The following CASKIN1 variants were observed in gnomAD, a reference collection of about 807,000 sequenced individuals.
CASKIN1 encodes caskin-1.
CASKIN1 carries 42 observed loss-of-function variants against 117.5 expected under a neutral mutation model. The ratio of observed to expected loss-of-function variants is 0.36; its 90% CI spans 0.28 to 0.46. The LOEUF (loss-of-function observed/expected upper bound fraction) is 0.46. Among genes scored for constraint, CASKIN1 ranks in the 20% least tolerant of loss-of-function variants. The probability of loss-of-function intolerance (pLI) is 1.00; values close to 1 mark genes in which losing one functional copy is unlikely to be tolerated. For missense variants in CASKIN1, 2,083 were observed against 2,077.3 expected (o/e 1.00, Z -0.05); for synonymous variants, 1,148 against 961.7 (o/e 1.19, Z -3.59).
intron 3 of CASKIN1, 43 bp downstream of exon 3, chr16:2,190,030 G>GCC (rs1197458205): frequency 7.0e-7 from 1 of 1,430,630 alleles, no homozygotes; most frequent in African/African-American, 1.4e-5. Context: ...CCCCCTCGCT[G>GCC]CCCCCGCCCC....
chr16:2,185,138 G>C lies in CASKIN1; in HGVS notation c.1212C>G (p.Ala404=). Residue 404 remains alanine, a synonymous_variant, in exon 12 of 20, where the codon GCC becomes GCG. Transcript: ENST00000343516. The part of the protein sequence containing the change: ...MAGGRGSGGH[A]LHAGSEGVKL... ...TGACGCCTTCAGAGCCCGCGTGTAG[G>C]GCGTGACCCCCGCTGCCCCGGCCGC... 6.2e-7 allele frequency: 1 copy of C among 1,609,150 alleles called. No individual in the cohort carries two copies. The highest frequency in any genetic ancestry group is 8.5e-7 in the Non-Finnish European group (1 of 1,179,728).
rs1266182974 is a variant in CASKIN1, at chr16:2,177,630, A to G, written c.*920T>C. On this transcript the variant is annotated 3_prime_UTR_variant, in exon 20 of 20. Coordinates refer to ENST00000343516, the MANE Select transcript of CASKIN1 (RefSeq NM_020764.4). ...GATGGGCTGCCTGCACAGCCCCTGGAGAGGGGGCCAGGCACACCCTCAGAG... is the reference window on the plus strand; with the variant it reads ...GATGGGCTGCCTGCACAGCCCCTGGGGAGGGGGCCAGGCACACCCTCAGAG... The G allele has an allele frequency of 1.3e-5, 3 of 236,780 alleles. No individual in the cohort carries two copies. The highest frequency in any genetic ancestry group is 6.1e-5 in the East Asian group (1 of 16,458). 14.7% of individuals were successfully genotyped at this position (236,780 alleles called of 1,614,324 possible).
At position 2,181,556 on chromosome 16, in the gene CASKIN1, C is replaced by G. The variant is rs753397435; in HGVS notation, c.1812G>C (p.Glu604Asp). 1 of 1,586,292 alleles carries G rather than the reference C, an allele frequency of 6.3e-7. No homozygotes were observed. The highest frequency in any genetic ancestry group is 1.8e-5 in the Admixed American group (1 of 55,848). ...ACTTGGCGTATTCAGCCTTCTGCAG[C>G]TCTGCCAGCTTCCTCACAGCGAGCA... is the stretch of plus-strand genomic sequence containing the variant. ...KLMLAVRKLAELQKAEYAKYE... is the reference protein window; with the variant it reads ...KLMLAVRKLADLQKAEYAKYE... Residue 604 changes from glutamate (E) to aspartate (D), a missense_variant, in exon 18 of 20, where the codon GAG (glutamate) becomes GAC (aspartate). Around this residue, in one of 3 missense-constraint regions of CASKIN1, gnomAD observed 1,818 missense variants for 1,688.9 expected, o/e 1.08. Transcript: ENST00000343516.
In CASKIN1 at chr16:2,187,225, T is replaced by C; in HGVS notation, c.776A>G (p.Asp259Gly). The C allele has an allele frequency of 1.2e-6, 2 of 1,614,046 alleles. No homozygotes were observed. The highest frequency in any genetic ancestry group is 1.7e-6 in the Non-Finnish European group (2 of 1,179,986). ...VRNTYSQTAL[D>G]IVHQFTTSQA... ...GGACGTGGTGAACTGGTGCACGATG[T>C]CCAGGGCTGTCTGGCTGTAGGTGTT... The change falls in exon 8 of 20, where the codon GAC becomes GGC. Residue 259 changes from aspartate (D) to glycine (G), a missense_variant. Coordinates refer to ENST00000343516, the MANE Select transcript of CASKIN1 (RefSeq NM_020764.4).
In CASKIN1 at chr16:2,179,825, C is replaced by G; in HGVS notation, c.3543G>C (p.Pro1181=). Residue 1181 remains proline, a synonymous_variant, in exon 18 of 20, where the codon CCG becomes CCC. Transcript: ENST00000343516. The surrounding 1 kb of genome is among the most constrained non-coding windows in gnomAD (Gnocchi z 5.8). ...HNGTGTVRRR[P]ASEQAGPPEL... is the part of the protein sequence containing the mutation. ...CCGGAGGCCCAGCCTGCTCCGAGGCCGGTCGGCGGCGCACGGTGCCAGTGC... is the reference window on the plus strand; with the variant it reads ...CCGGAGGCCCAGCCTGCTCCGAGGCGGGTCGGCGGCGCACGGTGCCAGTGC... 6.3e-7 allele frequency: 1 copy of G among 1,594,382 alleles called. No individual in the cohort carries two copies. Among genetic ancestry groups the G allele is most frequent in the South Asian group, 1.1e-5 (1 of 88,884 alleles).
rs765869428 is a variant in CASKIN1, at chr16:2,177,478, G to C, written c.*1072C>G. The C allele has an allele frequency of 8.6e-6, 2 of 233,188 alleles. No individual in the cohort carries two copies. Among genetic ancestry groups the C allele is most frequent in the African/African-American group, 4.4e-5 (2 of 45,222 alleles). The allele number at this position is 233,188 out of a possible 1,614,324, so 14.4% of individuals were successfully genotyped here. A position where few individuals can be genotyped will look rare whatever the true frequency, so the allele number is the denominator to read the frequency against. ...CCCAACACTGTGGATCAGCAAACAC[G>C]ATAGAGGAGACCAGTCAGTACTTCT... On this transcript the variant is annotated 3_prime_UTR_variant, in exon 20 of 20. Transcript: ENST00000343516.
chr16:2,179,020 CGGGCGGGGCGGG>C lies in CASKIN1; in HGVS notation c.4069_4080del (p.Pro1357_Pro1360del). Reference sequence around the variant, plus strand: ...GCGCTGTCCCCTGGCGAGGCGCCTTCGGGCGGGGCGGGGGGCGCGGCGGCGGCGGCGGCGGCG... The same window carrying C: ...GCGCTGTCCCCTGGCGAGGCGCCTTCGGGCGCGGCGGCGGCGGCGGCGGCG... On this transcript the variant is annotated inframe_deletion, in exon 19 of 20. Transcript: ENST00000343516. This position sits in a 1 kb window ranked among gnomAD's most constrained non-coding sequence, Gnocchi z 5.8. 1 of 1,166,728 alleles carries C rather than the reference CGGGCGGGGCGGG, an allele frequency of 8.6e-7. No individual in the cohort carries two copies. Among genetic ancestry groups the C allele is most frequent in the Non-Finnish European group, 1.1e-6 (1 of 946,088 alleles). 72.3% of individuals were successfully genotyped at this position (1,166,728 alleles called of 1,614,324 possible).
intron 13 of CASKIN1, 23 bp downstream of exon 13, chr16:2,184,928 C>T (rs1345928150): frequency 7.6e-6 from 12 of 1,583,086 alleles, no homozygotes; most frequent in African/African-American, 2.7e-5. Flanking sequence ...CATCGGGCTG[C>T]GTGGCAGCAC....
chr16:2,189,200 C>G, intron 5 of CASKIN1, 38 bp downstream of exon 5: 2 of 1,612,590 alleles, frequency 1.2e-6, no homozygotes, highest in Non-Finnish European at 1.7e-6. Flanking sequence ...ATGTGGGGCT[C>G]CCCAGCCCCA....
rs1366259202 is a variant in CASKIN1, at chr16:2,185,199, C to T, written c.1151G>A (p.Gly384Asp). The T allele has an allele frequency of 3.1e-6, 5 of 1,611,338 alleles. No individual in the cohort carries two copies. In the African/African-American group the frequency reaches 5.3e-5, roughly 17 times the overall value. ...GCTAATGCTGCCGCTTCGGTCCCCA[C>T]CTGCCAGCACAAGGGAGCAAGATGA... ...EIWVLRKPFA[G>D]GDRSGSISGM... Residue 384 changes from glycine to aspartate, a missense_variant and splice_region_variant, in exon 12 of 20, where the codon GGT becomes GAT. By Grantham distance (94) the Gly-to-Asp change is moderately conservative. Transcript: ENST00000343516.
chr16:2,189,345 G>A lies in CASKIN1; in HGVS notation c.391-12C>T, dbSNP rs1596692729. On this transcript the variant is annotated splice_polypyrimidine_tract_variant and intron_variant, in intron 4 of 19. Transcript: ENST00000343516. ...AGCAGCATCTCAGACTGGGGGCCAA[G>A]GGCGCAGTCAGGTCCGCACATCCTC... 2 of 1,612,742 alleles carry A rather than the reference G, an allele frequency of 1.2e-6. No homozygotes were observed. Among genetic ancestry groups the A allele is most frequent in the East Asian group, 2.2e-5 (1 of 44,880 alleles).
chr16:2,183,193 G>A lies in CASKIN1; in HGVS notation c.1629+453C>T, dbSNP rs577519872. ...CACGTGCGGTGGAGCATGTGTGCAC[G>A]CACACAAGCTGGTGGATGCCTGCAG... On this transcript the variant is annotated intron_variant, in intron 16 of 19. Transcript: ENST00000343516. Among the ~76,000 whole-genome samples the A allele has an allele frequency of 5.3e-5, 8 of 152,322 alleles. No homozygotes were observed. The East Asian group carries it at 9.6e-4, about 18-fold the overall frequency.
At chr16:2,189,978 G>A (rs1050933651) in intron 3 of CASKIN1, 95 bp downstream of exon 3, 17 of 1,177,638 alleles carry the variant, frequency 1.4e-5, no homozygotes, top group Admixed American at 6.1e-5. Flanking sequence ...TGAGACCCTG[G>A]GCTGAGACCT....
At position 2,182,112 on chromosome 16, in the gene CASKIN1, T is replaced by C. The variant is rs1197573410; in HGVS notation, c.1630-183A>G. On this transcript the variant is annotated intron_variant, in intron 16 of 19. Coordinates refer to ENST00000343516, the MANE Select transcript of CASKIN1 (RefSeq NM_020764.4). The surrounding 1 kb of genome is among the most constrained non-coding windows in gnomAD (Gnocchi z 4.1). ...GAGCCTCGGCTCAGGCACCGGACACTGCATGCCGCATATCGCACACATGCG... is the reference window on the plus strand; with the variant it reads ...GAGCCTCGGCTCAGGCACCGGACACCGCATGCCGCATATCGCACACATGCG... Among the ~76,000 whole-genome samples, 1 of 152,158 alleles carries C rather than the reference T, an allele frequency of 6.6e-6. No homozygotes were observed. Among genetic ancestry groups the C allele is most frequent in the Non-Finnish European group, 1.5e-5 (1 of 68,010 alleles).
intron 1 of CASKIN1, among the ~76,000 whole-genome samples, chr16:2,190,611 G>C (rs1297163025): frequency 2.6e-5 from 4 of 152,182 alleles, no homozygotes; most frequent in African/African-American, 7.2e-5. Context: ...AAGGACTCCG[G>C]CCTGGAGTCC....
rs571650780 is a variant in CASKIN1 at position 2,182,681 on chromosome 16, G to A, written c.1630-752C>T. On this transcript the variant is annotated intron_variant, in intron 16 of 19. Coordinates refer to ENST00000343516, the MANE Select transcript of CASKIN1 (RefSeq NM_020764.4). This position sits in a 1 kb window ranked among gnomAD's most constrained non-coding sequence, Gnocchi z 4.1. ...TTGACAGCCACCGATCGCCTCTCCC[G>A]TTGGGAGCCCAGAGCTCAGTGTGAG... 1.3e-5 allele frequency among the ~76,000 whole-genome samples: 2 copies of A among 152,320 alleles called. No homozygotes were observed. The highest frequency in any genetic ancestry group is 1.9e-4 in the East Asian group (1 of 5,182).
chr16:2,185,330 C>G lies in CASKIN1; in HGVS notation c.1127G>C (p.Trp376Ser). Residue 376 changes from tryptophan to serine, a missense_variant, in exon 11 of 20, where the codon TGG becomes TCG. Transcript: ENST00000343516. ...SGPSAPPEEI[W>S]VLRKPFAGGD... is the part of the protein sequence containing the mutation. ...ACCTGCAAAAGGCTTCCTCAGCACC[C>G]AGATCTCCTCTGGGGGTGCAGAGGG... 1 of 1,605,158 alleles carries G rather than the reference C, an allele frequency of 6.2e-7. No homozygotes were observed. Among genetic ancestry groups the G allele is most frequent in the Non-Finnish European group, 8.5e-7 (1 of 1,173,926 alleles).
chr16:2,180,755 C>A lies in CASKIN1; in HGVS notation c.2613G>T (p.Ala871=). ...PTLCLPPEAD[A]EPGRPKKRAH... Reference sequence around the variant, plus strand: ...CCCGCTTCTTGGGCCGCCCCGGCTCCGCGTCGGCCTCAGGGGGCAGGCACA... The same window carrying A: ...CCCGCTTCTTGGGCCGCCCCGGCTCAGCGTCGGCCTCAGGGGGCAGGCACA... Residue 871 remains alanine (A), a synonymous_variant, in exon 18 of 20, where the codon GCG becomes GCT. Transcript: ENST00000343516. 1 of 1,435,802 alleles carries A rather than the reference C, an allele frequency of 7.0e-7. No individual in the cohort carries two copies. The highest frequency in any genetic ancestry group is 2.8e-5 in the Admixed American group (1 of 35,224). 88.9% of individuals were successfully genotyped at this position (1,435,802 alleles called of 1,614,324 possible). A position where few individuals can be genotyped will look rare whatever the true frequency, so the allele number is the denominator to read the frequency against.
In CASKIN1 at chr16:2,184,940, C is replaced by T. The variant is rs771948640; in HGVS notation, c.1324+11G>A. 2.5e-6 allele frequency: 4 copies of T among 1,595,654 alleles called. No individual in the cohort carries two copies. Among genetic ancestry groups the T allele is most frequent in the African/African-American group, 2.7e-5 (2 of 74,542 alleles). On this transcript the variant is annotated intron_variant, in intron 13 of 19. Transcript: ENST00000343516. ...CTCCATCGGGCTGCGTGGCAGCACC[C>T]TTGCTCTTACCTGCAGAGCCTTCCG...
Sources: gnomAD v4.1 joint callset for allele counts (sites outside exome capture counted in the v4.1 genomes callset) on GRCh38, gnomAD v4.1.1 for gene constraint, gnomAD v4.1.1 regional missense constraint, Gnocchi (gnomAD v3.1) non-coding constraint, MANE v1.5 for transcripts, NCBI Gene and HGNC (gene_info 2026-07-23, HGNC 2026-07-21) for gene names.